CCDC91: variants seen among roughly 807,000 people sequenced by gnomAD.
The protein encoded by CCDC91 is coiled-coil domain-containing protein 91.
Under a neutral mutation model 63.2 loss-of-function variants are expected in CCDC91, and 48 were observed. The ratio of observed to expected loss-of-function variants is 0.76; its 90% CI spans 0.60 to 0.97. CCDC91 has a LOEUF of 0.97. Ranked by LOEUF, CCDC91 falls within the 50% of genes least tolerant of loss-of-function variation. The pLI is 0.00. For missense variants in CCDC91, 500 were observed against 494.6 expected (o/e 1.01, Z -0.10); for synonymous variants, 167 against 165.8 (o/e 1.01, Z -0.06).
At chr12:28,317,773 T>C (rs1940052787) in intron 6 of CCDC91, among the ~76,000 whole-genome samples, 3 of 152,002 alleles carry the variant, frequency 2.0e-5, no homozygotes, top group Admixed American at 2.0e-4. Context: ...ACCACTTATT[T>C]GATTCTGTGC....
chr12:28,409,100 G>A (rs1362088863), intron 8 of CCDC91, among the ~76,000 whole-genome samples: 2 of 151,648 alleles, frequency 1.3e-5, no homozygotes, highest in East Asian at 3.9e-4. Context: ...TTTTCTTATT[G>A]CACTTGCCAA....
chr12:28,244,080 A>G (rs1480494690), intron 1 of CCDC91, among the ~76,000 whole-genome samples: 3 of 152,228 alleles, frequency 2.0e-5, no homozygotes, highest in Non-Finnish European at 2.9e-5. Context: ...GCCAAATTGG[A>G]TTTTTCCCAG....
At chr12:28,398,937 G>C (rs562132720) in intron 8 of CCDC91, among the ~76,000 whole-genome samples, 1 of 152,034 alleles carries the variant, frequency 6.6e-6, no homozygotes, top group Admixed American at 6.5e-5. Context: ...CATAGTTTCT[G>C]TCTTCCTTTT....
At chr12:28,519,743 C>T (rs533792765) in intron 12 of CCDC91, among the ~76,000 whole-genome samples, 6 of 135,756 alleles carry the variant, frequency 4.4e-5, no homozygotes, top group East Asian at 2.3e-4. Flanking sequence ...CAACAGGCCC[C>T]GGTGTGTGAT....
chr12:28,277,124 T>G (rs1246227723), intron 3 of CCDC91, among the ~76,000 whole-genome samples: 1 of 151,956 alleles, frequency 6.6e-6, no homozygotes, highest in Admixed American at 6.6e-5. Flanking sequence ...GAGTAGATGT[T>G]AAAATTAACA....
chr12:28,202,694 T>G (rs11612143), intron 1 of CCDC91, among the ~76,000 whole-genome samples: 1 of 152,094 alleles, frequency 6.6e-6, no homozygotes, highest in African/African-American at 2.4e-5. Context: ...GAGCTTAAAG[T>G]GTAGCAAGAA....
At chr12:28,444,054 T>C (rs1949372616) in intron 8 of CCDC91, among the ~76,000 whole-genome samples, 2 of 152,206 alleles carry the variant, frequency 1.3e-5, no homozygotes, top group South Asian at 2.1e-4. Context: ...AGGAATAGCA[T>C]AGCCCTGTTT....
intron 11 of CCDC91, among the ~76,000 whole-genome samples, chr12:28,479,226 A>G (rs939186352): frequency 3.9e-5 from 6 of 152,172 alleles, no homozygotes; most frequent in African/African-American, 7.2e-5. Flanking sequence ...ATGTCCATCA[A>G]TGATAGACAC....
chr12:28,217,636 C>A (rs976593881), intron 1 of CCDC91, among the ~76,000 whole-genome samples: 1 of 151,798 alleles, frequency 6.6e-6, no homozygotes, highest in Non-Finnish European at 1.5e-5. Context: ...TGTAGGATTT[C>A]ATGGTAGGAA....
chr12:28,502,960 G>A (rs1416743606), intron 12 of CCDC91, among the ~76,000 whole-genome samples: 1 of 150,000 alleles, frequency 6.7e-6, no homozygotes, highest in Non-Finnish European at 1.5e-5. Flanking sequence ...TTAAACGTTA[G>A]ACCTAAAACC....
At chr12:28,547,482 C>A (rs1943070712) in intron 12 of CCDC91, among the ~76,000 whole-genome samples, 1 of 152,074 alleles carries the variant, frequency 6.6e-6, no homozygotes. Flanking sequence ...ATGTGCCAGA[C>A]CCCCTCTAGA....
At chr12:28,446,429 A>C (rs1010295506) in intron 8 of CCDC91, among the ~76,000 whole-genome samples, 11 of 152,320 alleles carry the variant, frequency 7.2e-5, no homozygotes, top group African/African-American at 2.6e-4. Flanking sequence ...GGAACAAATA[A>C]AAAGAAACTT....
chr12:28,375,999 A>G (rs1279847738), intron 7 of CCDC91, among the ~76,000 whole-genome samples: 1 of 151,892 alleles, frequency 6.6e-6, no homozygotes, highest in African/African-American at 2.4e-5. Context: ...CAACTTCTAC[A>G]GTGCATAGTA....
chr12:28,413,841 G>T (rs1947475144), intron 8 of CCDC91, among the ~76,000 whole-genome samples: 2 of 152,144 alleles, frequency 1.3e-5, no homozygotes, highest in African/African-American at 4.8e-5. Context: ...TAATTTTCCT[G>T]GACAGTAAAC....
intron 6 of CCDC91, among the ~76,000 whole-genome samples, chr12:28,318,936 A>G (rs1302194230): frequency 6.6e-6 from 1 of 151,992 alleles, no homozygotes; most frequent in Non-Finnish European, 1.5e-5. Context: ...CCAAGATGAC[A>G]TAGATGTTTA....
chr12:28,244,094 T>C (rs1945539854), intron 1 of CCDC91, among the ~76,000 whole-genome samples: 1 of 152,216 alleles, frequency 6.6e-6, no homozygotes, highest in Non-Finnish European at 1.5e-5. Flanking sequence ...TTCCCAGGTA[T>C]GCAAGGATGA....
At chr12:28,260,212 G>T (rs1191077107) in intron 3 of CCDC91, among the ~76,000 whole-genome samples, 4 of 151,926 alleles carry the variant, frequency 2.6e-5, no homozygotes, top group East Asian at 3.9e-4. Flanking sequence ...GAAGAATGAT[G>T]ATTTTATCAT....
At chr12:28,386,785 CAAA>C (rs1945629335) in intron 7 of CCDC91, among the ~76,000 whole-genome samples, 1 of 152,182 alleles carries the variant, frequency 6.6e-6, no homozygotes, top group Non-Finnish European at 1.5e-5. Context: ...TCAAAATCAA[CAAA>C]ACATTTTCTG....
chr12:28,447,002 G>A (rs1027258573), intron 8 of CCDC91, among the ~76,000 whole-genome samples: 6 of 152,082 alleles, frequency 3.9e-5, no homozygotes, highest in Non-Finnish European at 7.4e-5. Context: ...TCCTTTGCCC[G>A]TTGTCCTGTT....
Sources: gnomAD v4.1 joint callset for allele counts (sites outside exome capture counted in the v4.1 genomes callset) on GRCh38, gnomAD v4.1.1 for gene constraint, MANE v1.5 for transcripts, NCBI Gene and HGNC (gene_info 2026-07-23, HGNC 2026-07-21) for gene names.